The following ZNF106 variants were observed in gnomAD, a reference collection of about 807,000 sequenced individuals.
ZNF106 encodes the protein SH3-domain binding protein 3.
ZNF106 carries 67 observed loss-of-function variants against 195.1 expected under a neutral mutation model. The observed-to-expected ratio is 0.34, with a 90% CI of 0.28 to 0.42. The LOEUF is 0.42. Among genes scored for constraint, ZNF106 ranks in the 10% least tolerant of loss-of-function variants. The pLI is 1.00. For synonymous variants in ZNF106, 784 were observed against 818.6 expected (o/e 0.96, Z 0.72); for missense variants, 2,118 against 2,304.5 (o/e 0.92, Z 1.66).
chr15:42,444,337 T>A, intron 8 of ZNF106, 75 bp from the exon 9 acceptor site: 1 of 1,202,250 alleles, frequency 8.3e-7, no homozygotes, highest in Non-Finnish European at 1.2e-6. Context: ...ATTTTTCTTC[T>A]ATGTCCTGAC....
rs1209270351 is a variant in ZNF106 at position 42,414,099 on chromosome 15, TA to T, written c.*3204del. 1 of 152,208 alleles carries T rather than the reference TA, an allele frequency of 6.6e-6. No homozygotes were observed. The highest frequency in any genetic ancestry group is 6.5e-5 in the Admixed American group (1 of 15,278). The allele number at this position is 152,208 out of a possible 1,614,324, so 9.4% of individuals were successfully genotyped here. A position where few individuals can be genotyped will look rare whatever the true frequency, so the allele number is the denominator to read the frequency against. On this transcript the variant is annotated 3_prime_UTR_variant, in exon 22 of 22. Coordinates refer to ENST00000564754, the MANE Select transcript of ZNF106 (RefSeq NM_001366845.3). ...ATTCTAAAAGTGGCTTCAACTACTTTAAAGACATGAGTCAGTTTTTGTCAGG... is the reference window on the plus strand; with the variant it reads ...ATTCTAAAAGTGGCTTCAACTACTTTAAGACATGAGTCAGTTTTTGTCAGG...
In ZNF106 at chr15:42,451,483, A is replaced by C. The variant is rs2056028289; in HGVS notation, c.789T>G (p.Pro263=). The stretch of plus-strand genomic sequence containing the variant: ...TTCTGCCTGGTTGAAATTTGTCTCC[A>C]GGGCCACTGTAATTCCAATTATTTG... ...RSTNNWNYSG[P]GDKFQPGRNR... Residue 263 remains proline, a synonymous_variant, in exon 5 of 22, where the codon CCT becomes CCG. Transcript: ENST00000564754. 1.2e-6 allele frequency: 2 copies of C among 1,614,092 alleles called. No individual in the cohort carries two copies. The highest frequency in any genetic ancestry group is 2.7e-5 in the African/African-American group (2 of 74,934).
intron 4 of ZNF106, among the ~76,000 whole-genome samples, chr15:42,455,891 G>A (rs2056209676): frequency 6.6e-6 from 1 of 151,954 alleles, no homozygotes; most frequent in Admixed American, 6.6e-5. Flanking sequence ...CCCTCACATT[G>A]AAAATTTCTA....
chr15:42,472,153 A>G lies in ZNF106; in HGVS notation c.54+83T>C. 6 of 1,289,518 alleles carry G rather than the reference A, an allele frequency of 4.7e-6. No homozygotes were observed. In the South Asian group the frequency reaches 5.8e-5, roughly 13 times the overall value. The allele number at this position is 1,289,518 out of a possible 1,614,324, so 79.9% of individuals were successfully genotyped here. ...CTTTTCCTATTAATAACATATGTCTATTAATATTAATAACATCTATTAATA... is the reference window on the plus strand; with the variant it reads ...CTTTTCCTATTAATAACATATGTCTGTTAATATTAATAACATCTATTAATA... On this transcript the variant is annotated intron_variant, in intron 2 of 21. Coordinates refer to ENST00000564754, the MANE Select transcript of ZNF106 (RefSeq NM_001366845.3).
At position 42,442,272 on chromosome 15, in the gene ZNF106, G is replaced by T. The variant is rs1417422204; in HGVS notation, c.3564C>A (p.Ser1188=). ...CTCCGGTGGGTGATGGAGACACATGGGAAGATGGAGGCTCCAGAAAAAGTG... is the reference window on the plus strand; with the variant it reads ...CTCCGGTGGGTGATGGAGACACATGTGAAGATGGAGGCTCCAGAAAAAGTG... ...FFPLFLEPPS[S]HVSPSPTGAS... Residue 1188 remains serine (S), a synonymous_variant, in exon 10 of 22, where the codon TCC becomes TCA. Transcript: ENST00000564754. The T allele has an allele frequency of 1.2e-6, 2 of 1,614,050 alleles. No homozygotes were observed. The highest frequency in any genetic ancestry group is 8.5e-7 in the Non-Finnish European group (1 of 1,180,040).
chr15:42,465,908 C>T, intron 3 of ZNF106, 145 bp downstream of exon 3: 1 of 576,466 alleles, frequency 1.7e-6, no homozygotes, highest in Non-Finnish European at 2.8e-6. Context: ...AAATCTACTA[C>T]ACTTGGTATT....
intron 16 of ZNF106, chr15:42,424,316 G>A (rs574447565): frequency 4.5e-6 from 2 of 448,594 alleles, no homozygotes; most frequent in African/African-American, 2.0e-5. Context: ...AAGGGCATTC[G>A]AGTATACCCA....
At chr15:42,433,295 C>T (rs1215334666) in intron 14 of ZNF106, among the ~76,000 whole-genome samples, 3 of 151,506 alleles carry the variant, frequency 2.0e-5, no homozygotes, top group South Asian at 2.1e-4. Flanking sequence ...TTAGTAGAGA[C>T]GGGGTTTCAC....
At chr15:42,485,911 C>T (rs936042108) in intron 1 of ZNF106, among the ~76,000 whole-genome samples, 11 of 151,908 alleles carry the variant, frequency 7.2e-5, no homozygotes, top group Non-Finnish European at 1.6e-4. Context: ...CTGTGGTCAC[C>T]CATTGATTTG....
intron 4 of ZNF106, among the ~76,000 whole-genome samples, chr15:42,454,581 C>T (rs2056162442): frequency 6.6e-6 from 1 of 151,684 alleles, no homozygotes; most frequent in African/African-American, 2.4e-5. Flanking sequence ...AAAAAATACT[C>T]CTGAAGAAGT....
rs763670277 is a variant in ZNF106 at position 42,450,947 on chromosome 15, G to T, written c.1325C>A (p.Ser442Tyr). 4 of 1,614,226 alleles carry T rather than the reference G, an allele frequency of 2.5e-6. No individual in the cohort carries two copies. The highest frequency in any genetic ancestry group is 3.4e-6 in the Non-Finnish European group (4 of 1,180,046). The change falls in exon 5 of 22, where the codon TCT (serine) becomes TAT (tyrosine). Residue 442 changes from serine to tyrosine, a missense_variant. Ser to Tyr is a moderately radical substitution (Grantham distance 144, BLOSUM62 -2). Coordinates refer to ENST00000564754, the MANE Select transcript of ZNF106 (RefSeq NM_001366845.3). ...IHTGSLNHKA[S>Y]SDSAASFEVV... ...CTCGAAGGAAGCAGCGGAATCAGAA[G>T]AGGCCTTGTGATTAAGAGATCCAGT...
At chr15:42,442,442 A>G in intron 9 of ZNF106, 28 bp from the exon 10 acceptor site, 1 of 1,548,858 alleles carries the variant, frequency 6.5e-7, no homozygotes, top group Non-Finnish European at 8.7e-7. Context: ...CATACATAGA[A>G]ATGCAAAAAT....
Position 42,450,347 on chromosome 15 carries a change from G to A in ZNF106, c.1925C>T (p.Thr642Ile). The change falls in exon 5 of 22, where the codon ACT (threonine) becomes ATT (isoleucine). Residue 642 changes from threonine (T) to isoleucine (I), a missense_variant. Coordinates refer to ENST00000564754, the MANE Select transcript of ZNF106 (RefSeq NM_001366845.3). ...SATTELLSGS[T>I]RTADEKEEDD... Reference sequence around the variant, plus strand: ...CTCCTCTTTCTCATCAGCAGTTCGAGTGCTGCCAGATAACAATTCTGTAGT... The same window carrying A: ...CTCCTCTTTCTCATCAGCAGTTCGAATGCTGCCAGATAACAATTCTGTAGT... 1 of 1,614,184 alleles carries A rather than the reference G, an allele frequency of 6.2e-7. No individual in the cohort carries two copies. The highest frequency in any genetic ancestry group is 8.5e-7 in the Non-Finnish European group (1 of 1,180,034).
rs752248518 is a variant in ZNF106 at position 42,450,746 on chromosome 15, T to A, written c.1526A>T (p.His509Leu). 2.5e-6 allele frequency: 4 copies of A among 1,614,142 alleles called. No homozygotes were observed. In the Admixed American group the frequency reaches 5.0e-5, roughly 20 times the overall value. Residue 509 changes from histidine to leucine, a missense_variant, in exon 5 of 22, where the codon CAC becomes CTC. Physicochemically the swap from His to Leu is moderately conservative, Grantham distance 99 (BLOSUM62 -3). Transcript: ENST00000564754. The stretch of plus-strand genomic sequence containing the variant: ...AGTGGGCTTGTTCGAGGGATTTGAG[T>A]GTTCTCCAGGGGAAAAAAAATTTGT... ...TKTNFFSPGE[H>L]SNPSNKPTVE...
chr15:42,485,615 C>T (rs772129239), intron 1 of ZNF106, among the ~76,000 whole-genome samples: 2 of 152,172 alleles, frequency 1.3e-5, no homozygotes, highest in South Asian at 4.2e-4. Flanking sequence ...GATGGAATGG[C>T]GTCCTGTCCA....
chr15:42,444,821 T>A lies in ZNF106; in HGVS notation c.3360+6A>T, dbSNP rs751054530. 7.4e-6 allele frequency: 12 copies of A among 1,613,338 alleles called. No individual in the cohort carries two copies. Among genetic ancestry groups the A allele is most frequent in the Non-Finnish European group, 1.0e-5 (12 of 1,179,784 alleles). On this transcript the variant is annotated splice_donor_region_variant and intron_variant, in intron 8 of 21. Coordinates refer to ENST00000564754, the MANE Select transcript of ZNF106 (RefSeq NM_001366845.3). ...CATTTTTATTAAATCCTCCACATGCTGTTACCTGCTGCTTGAGCATAAGTA... is the reference window on the plus strand; with the variant it reads ...CATTTTTATTAAATCCTCCACATGCAGTTACCTGCTGCTTGAGCATAAGTA...
chr15:42,419,090 C>T (rs1336124388), intron 20 of ZNF106, among the ~76,000 whole-genome samples: 4 of 149,368 alleles, frequency 2.7e-5, no homozygotes, highest in South Asian at 4.2e-4. Flanking sequence ...AAATACAGGC[C>T]GGGCGTGGTG....
At chr15:42,484,871 CTG>C (rs1365408728) in intron 1 of ZNF106, among the ~76,000 whole-genome samples, 2 of 151,994 alleles carry the variant, frequency 1.3e-5, no homozygotes, top group Non-Finnish European at 2.9e-5. Flanking sequence ...AAAAAATACT[CTG>C]TGTTGACCAG....
intron 1 of ZNF106, among the ~76,000 whole-genome samples, chr15:42,488,426 G>C (rs1431768777): frequency 6.6e-6 from 1 of 151,978 alleles, no homozygotes; most frequent in African/African-American, 2.4e-5. Flanking sequence ...GTTTCTTTCA[G>C]ATTAAAACAT....
Sources: gnomAD v4.1 joint callset for allele counts (sites outside exome capture counted in the v4.1 genomes callset) on GRCh38, gnomAD v4.1.1 for gene constraint, MANE v1.5 for transcripts, NCBI Gene and HGNC (gene_info 2026-07-23, HGNC 2026-07-21) for gene names.